STAB1: variants seen among roughly 807,000 people sequenced by gnomAD.
STAB1 encodes the protein stabilin 1.
STAB1 carries 250 observed loss-of-function variants against 332.4 expected under a neutral mutation model. The observed-to-expected ratio is 0.75, with a 90% CI of 0.68 to 0.84. The LOEUF (loss-of-function observed/expected upper bound fraction) is 0.84. STAB1 is among the 40% of genes least tolerant of loss of function. The pLI is 0.00. For missense variants in STAB1, 3,249 were observed against 3,489.7 expected, an observed-to-expected ratio of 0.93 and a Z score of 1.74; for synonymous variants, 1,475 against 1,390.4, an observed-to-expected ratio of 1.06 and a Z score of -1.35.
chr3:52,503,695 G>T (rs1039640532), intron 8 of STAB1, 77 bp from the exon 9 acceptor site: 2 of 1,594,792 alleles, frequency 1.3e-6, no homozygotes, highest in East Asian at 4.5e-5. Context: ...GGCTGAGCAG[G>T]GCTCTATGGG....
chr3:52,515,282 G>A (rs1371791709), intron 36 of STAB1, 141 bp from the exon 37 acceptor site: 5 of 909,750 alleles, frequency 5.5e-6, no homozygotes, highest in Middle Eastern at 3.1e-4. Context: ...CCATCAGTCT[G>A]CCTGTCTTGG....
In STAB1 at chr3:52,520,022, C is replaced by T. The variant is rs757154430; in HGVS notation, c.5314C>T (p.Arg1772Ter). ...GCTGTGGCCCACAGACGCCGCCTTT[C>T]GAGCTCTGCCTCCGGATCGCCAGGC... ...TMLWPTDAAFRALPPDRQAWL... is the reference protein window; with the variant it reads ...TMLWPTDAAF Residue 1772 changes from arginine (R) to a stop codon, truncating the protein, a stop_gained, in exon 51 of 69, where the codon CGA (arginine) becomes TGA (stop). Transcript: ENST00000321725. LOFTEE classifies it high-confidence loss of function. 14 of 1,612,444 alleles carry T rather than the reference C, an allele frequency of 8.7e-6. No individual in the cohort carries two copies. The highest frequency in any genetic ancestry group is 5.0e-5 in the Admixed American group (3 of 59,992).
At chr3:52,498,192 T>G (rs1381118017) in intron 1 of STAB1, among the ~76,000 whole-genome samples, 2 of 152,238 alleles carry the variant, frequency 1.3e-5, no homozygotes, top group Non-Finnish European at 2.9e-5. Flanking sequence ...GACTTCACAC[T>G]TCGTGTCTCC....
intron 58 of STAB1, 33 bp from the exon 59 acceptor site, chr3:52,522,004 C>G: frequency 6.2e-7 from 1 of 1,610,990 alleles, no homozygotes; most frequent in Non-Finnish European, 8.5e-7. Context: ...CCCCTGCAGT[C>G]ACTAGGTCCA....
chr3:52,502,994 C>T lies in STAB1; in HGVS notation c.584-5C>T, dbSNP rs138643169. On this transcript the variant is annotated splice_region_variant and splice_polypyrimidine_tract_variant and intron_variant, in intron 6 of 68. Transcript: ENST00000321725. The stretch of plus-strand genomic sequence containing the variant: ...GCTCATCAGTGCTCTCTCCACTCTG[C>T]GCAGAGCTGCCCGTCTGCCAGGAGC... 9,787 of 1,563,412 alleles carry T rather than the reference C, an allele frequency of 6.3e-3. 98 individuals are homozygous for T. The highest frequency in any genetic ancestry group is 7.5e-3 in the Middle Eastern group (36 of 4,794).
In STAB1 at chr3:52,519,275, C is replaced by T. The variant is rs2078989730; in HGVS notation, c.5046C>T (p.Tyr1682=). Residue 1682 remains tyrosine, a synonymous_variant, in exon 49 of 69, where the codon TAC becomes TAT. Coordinates refer to ENST00000321725, the MANE Select transcript of STAB1 (RefSeq NM_015136.3). ...TGCCCCGCCCCCAGGGCAGCATATA[C>T]CTCAATGACTTCGCGCGCGTGGTGA... ...LRFSEREGSI[Y]LNDFARVVSS... is the part of the protein sequence containing the mutation. 1 of 1,612,816 alleles carries T rather than the reference C, an allele frequency of 6.2e-7. No homozygotes were observed. The highest frequency in any genetic ancestry group is 8.5e-7 in the Non-Finnish European group (1 of 1,179,912).
At chr3:52,514,913 C>CA in intron 35 of STAB1, 76 bp from the exon 36 acceptor site, 1 of 1,612,178 alleles carries the variant, frequency 6.2e-7, no homozygotes, top group Non-Finnish European at 8.5e-7. Context: ...GGGAGGGGCG[C>CA]ATGGTCAGTC....
chr3:52,502,488 C>A, intron 5 of STAB1, 144 bp from the exon 6 acceptor site: 1 of 827,594 alleles, frequency 1.2e-6, no homozygotes, highest in Non-Finnish European at 1.9e-6. Context: ...CCCACCACCC[C>A]TGTGGTCCCG....
chr3:52,516,849 GC>G, intron 41 of STAB1, 81 bp downstream of exon 41: 1 of 1,596,732 alleles, frequency 6.3e-7, no homozygotes, highest in Non-Finnish European at 8.5e-7. Context: ...CTTCCTCTAG[GC>G]CCAGCCCCCC....
intron 21 of STAB1, 50 bp from the exon 22 acceptor site, chr3:52,509,160 G>A: frequency 6.5e-7 from 1 of 1,542,136 alleles, no homozygotes; most frequent in Non-Finnish European, 8.9e-7. Flanking sequence ...GAGAGGGGAT[G>A]TAGAGAGTCC....
Position 52,508,033 on chromosome 3 carries a change from G to C in STAB1, c.2148+7G>C. The C allele has an allele frequency of 6.2e-7, 1 of 1,611,820 alleles. No homozygotes were observed. Among genetic ancestry groups the C allele is most frequent in the East Asian group, 2.2e-5 (1 of 44,872 alleles). On this transcript the variant is annotated splice_region_variant and intron_variant, in intron 20 of 68. Coordinates refer to ENST00000321725, the MANE Select transcript of STAB1 (RefSeq NM_015136.3). The stretch of plus-strand genomic sequence containing the variant: ...CTGCAACCAAACCATCATGGTAAGC[G>C]TGGGCATGGGTGCCCACTCCCAGGT...
At chr3:52,515,979 T>G in intron 37 of STAB1, 64 bp from the exon 38 acceptor site, 1 of 1,485,508 alleles carries the variant, frequency 6.7e-7, no homozygotes, top group Non-Finnish European at 9.0e-7. Flanking sequence ...GATGCCCCCG[T>G]TCCCCTTCCC....
chr3:52,506,861 C>G lies in STAB1; in HGVS notation c.1989+11C>G. The G allele has an allele frequency of 6.2e-7, 1 of 1,612,112 alleles. No homozygotes were observed. The highest frequency in any genetic ancestry group is 8.5e-7 in the Non-Finnish European group (1 of 1,179,476). ...CACAAGATTGTGGCGGTGAGCCTCGCCTGCACGGCCAGGGCCCTACTCACT... is the reference window on the plus strand; with the variant it reads ...CACAAGATTGTGGCGGTGAGCCTCGGCTGCACGGCCAGGGCCCTACTCACT... On this transcript the variant is annotated intron_variant, in intron 18 of 68. Transcript: ENST00000321725.
In STAB1 at chr3:52,518,915, G is replaced by GCCCCGTCCCGCCCCC. The variant is rs1462312013; in HGVS notation, c.5034+50_5034+51insGTCCCGCCCCCCCCC. The GCCCCGTCCCGCCCCC allele has an allele frequency of 2.2e-4, 244 of 1,101,462 alleles. 5 individuals are homozygous for GCCCCGTCCCGCCCCC. In the East Asian group the frequency reaches 6.2e-3, roughly 28 times the overall value. 68.2% of individuals were successfully genotyped at this position (1,101,462 alleles called of 1,614,324 possible). ...GCCCCGCTCCATCCCGCCCCGCCCC[G>GCCCCGTCCCGCCCCC]CCCCTGCGCGCCATTGCCCCAGGCC... On this transcript the variant is annotated intron_variant, in intron 48 of 68. Coordinates refer to ENST00000321725, the MANE Select transcript of STAB1 (RefSeq NM_015136.3).
At chr3:52,509,127 C>G (rs778954608) in intron 21 of STAB1, 83 bp from the exon 22 acceptor site, 37 of 1,266,020 alleles carry the variant, frequency 2.9e-5, no homozygotes, top group Non-Finnish European at 3.7e-5. Context: ...TCAGAGCCAG[C>G]CCATGAAAGG....
Position 52,501,688 on chromosome 3 carries a change from G to A in STAB1, c.266G>A (p.Arg89Gln), listed in dbSNP as rs773609374. ...GSMVSMSGCR[R>Q]KCRKQVVQKA... ...ATGGTGTCCATGAGCGGCTGCAGAC[G>A]GAAGTGCCGGAAGCAAGTGGTGCAG... is the stretch of plus-strand genomic sequence containing the variant. Residue 89 changes from arginine to glutamine, a missense_variant, in exon 3 of 69, where the codon CGG (arginine) becomes CAG (glutamine). Arg to Gln is a conservative substitution (Grantham distance 43). Coordinates refer to ENST00000321725, the MANE Select transcript of STAB1 (RefSeq NM_015136.3). 5.1e-6 allele frequency: 8 copies of A among 1,581,348 alleles called. No homozygotes were observed. Among genetic ancestry groups the A allele is most frequent in the South Asian group, 3.5e-5 (3 of 86,338 alleles).
intron 26 of STAB1, 111 bp from the exon 27 acceptor site, chr3:52,512,230 G>A: frequency 9.8e-7 from 1 of 1,024,890 alleles, no homozygotes; most frequent in South Asian, 1.3e-5. Context: ...TGGCTGCAGA[G>A]CAAGGGGCAG....
Position 52,513,137 on chromosome 3 carries a change from T to C in STAB1, c.3166T>C (p.Phe1056Leu). ...TAAACTGTGCCCTGTCAGGGCCCAT[T>C]TTCTCCAGGGTGCCCTCTTCGAGGA... The part of the protein sequence containing the change: ...RTLPNLVRAH[F>L]LQGALFEEEL... Residue 1056 changes from phenylalanine (F) to leucine (L), a missense_variant, in exon 30 of 69, where the codon TTT becomes CTT. Transcript: ENST00000321725. 6.4e-7 allele frequency: 1 copy of C among 1,567,406 alleles called. No individual in the cohort carries two copies. Among genetic ancestry groups the C allele is most frequent in the Non-Finnish European group, 8.7e-7 (1 of 1,155,868 alleles).
At chr3:52,497,377 A>T (rs1708112144) in intron 1 of STAB1, among the ~76,000 whole-genome samples, 1 of 137,836 alleles carries the variant, frequency 7.3e-6, no homozygotes, top group South Asian at 2.7e-4. Context: ...ATACGGGAGG[A>T]TGTGCATAGA....
Sources: gnomAD v4.1 joint callset for allele counts (sites outside exome capture counted in the v4.1 genomes callset) on GRCh38, gnomAD v4.1.1 for gene constraint, MANE v1.5 for transcripts, NCBI Gene and HGNC (gene_info 2026-07-23, HGNC 2026-07-21) for gene names.